The following UQCC1 variants were observed in gnomAD, a reference collection of about 807,000 sequenced individuals.
UQCC1 encodes the protein ubiquinol-cytochrome c reductase complex assembly factor 1.
UQCC1 carries 38 observed loss-of-function variants against 48.0 expected under a neutral mutation model. That is an observed-to-expected ratio of 0.79 (90% CI 0.61 to 1.04). The LOEUF (loss-of-function observed/expected upper bound fraction) is 1.04, where lower values mean the gene tolerates loss of function less well. Among genes scored for constraint, UQCC1 ranks in the 50% least tolerant of loss-of-function variants. The pLI is 0.00. For missense variants in UQCC1, 368 were observed against 381.8 expected (o/e 0.96, Z 0.30); for synonymous variants, 111 against 129.2 (o/e 0.86, Z 0.95).
chr20:35,354,815 G>A (rs2061527807), intron 6 of UQCC1, among the ~76,000 whole-genome samples: 3 of 152,082 alleles, frequency 2.0e-5, no homozygotes. Flanking sequence ...TAGATTCTTG[G>A]AAACTGTAAC....
chr20:35,364,605 AG>A (rs1407021633), intron 6 of UQCC1, among the ~76,000 whole-genome samples: 2 of 152,236 alleles, frequency 1.3e-5, no homozygotes, highest in African/African-American at 2.4e-5. Flanking sequence ...GGCGAGAGAA[AG>A]AGTGGAAGGG....
intron 7 of UQCC1, among the ~76,000 whole-genome samples, chr20:35,320,574 AG>A (rs2061112974): frequency 6.6e-6 from 1 of 152,218 alleles, no homozygotes; most frequent in Non-Finnish European, 1.5e-5. Context: ...CACAACTCAG[AG>A]ATTCCAGTTC....
intron 6 of UQCC1, among the ~76,000 whole-genome samples, chr20:35,359,747 T>TA (rs2061585715): frequency 6.6e-6 from 1 of 152,214 alleles, no homozygotes; most frequent in Non-Finnish European, 1.5e-5. Flanking sequence ...ATGTTTCCCT[T>TA]ACTCTGTCAC....
intron 7 of UQCC1, among the ~76,000 whole-genome samples, chr20:35,342,424 A>G (rs2061391107): frequency 6.6e-6 from 1 of 152,222 alleles, no homozygotes. Context: ...CACAAATGGA[A>G]AAATTAAGTA....
At chr20:35,325,041 T>C (rs1034320530) in intron 7 of UQCC1, among the ~76,000 whole-genome samples, 1 of 152,210 alleles carries the variant, frequency 6.6e-6, no homozygotes, top group Non-Finnish European at 1.5e-5. Context: ...ATAACATGGA[T>C]GGACCTTAAA....
intron 5 of UQCC1, among the ~76,000 whole-genome samples, chr20:35,367,102 A>C (rs1161641406): frequency 8.6e-5 from 13 of 150,476 alleles, no homozygotes; most frequent in South Asian, 4.2e-4. Context: ...TAAAAAAAAA[A>C]AAAAAAACAA....
intron 6 of UQCC1, 121 bp from the exon 7 acceptor site, chr20:35,347,393 T>G: frequency 1.7e-6 from 2 of 1,196,958 alleles, no homozygotes; most frequent in Non-Finnish European, 2.3e-6. Flanking sequence ...AAACTGGAAG[T>G]GAACTTTTTT....
At chr20:35,400,405 T>C (rs1354534772) in intron 1 of UQCC1, among the ~76,000 whole-genome samples, 1 of 152,158 alleles carries the variant, frequency 6.6e-6, no homozygotes, top group Non-Finnish European at 1.5e-5. Context: ...AATTATTCCT[T>C]TAACTTAAGA....
chr20:35,350,129 T>C (rs1452507252), intron 6 of UQCC1, among the ~76,000 whole-genome samples: 1 of 152,176 alleles, frequency 6.6e-6, no homozygotes, highest in African/African-American at 2.4e-5. Context: ...GTCTAAAGTT[T>C]TGTTTTTTTA....
chr20:35,345,696 A>T (rs904388411), intron 7 of UQCC1: 1 of 152,132 alleles, frequency 6.6e-6, no homozygotes, highest in Non-Finnish European at 1.5e-5. Context: ...GGGGAGTTAG[A>T]CTGGGGGGAA....
At chr20:35,405,123 G>A (rs1387910489) in intron 1 of UQCC1, among the ~76,000 whole-genome samples, 1 of 152,186 alleles carries the variant, frequency 6.6e-6, no homozygotes, top group East Asian at 1.9e-4. Flanking sequence ...GCCTGGCAGA[G>A]TGTTATAGGT....
At chr20:35,324,533 A>C (rs182714974) in intron 7 of UQCC1, among the ~76,000 whole-genome samples, 1 of 152,118 alleles carries the variant, frequency 6.6e-6, no homozygotes, top group Non-Finnish European at 1.5e-5. Context: ...TCACCGTGTT[A>C]GCCAGGATGG....
chr20:35,362,456 A>G (rs1451330518), intron 6 of UQCC1, among the ~76,000 whole-genome samples: 1 of 152,184 alleles, frequency 6.6e-6, no homozygotes, highest in East Asian at 1.9e-4. Flanking sequence ...TCCCAGGTTC[A>G]AGCGATTCTC....
At chr20:35,348,676 C>T (rs973429889) in intron 6 of UQCC1, among the ~76,000 whole-genome samples, 2 of 152,122 alleles carry the variant, frequency 1.3e-5, no homozygotes, top group African/African-American at 4.8e-5. Context: ...CTTTTTGAGA[C>T]AGGGTCTCAT....
Position 35,330,288 on chromosome 20 carries a change from C to T in UQCC1, c.574-15523G>A, listed in dbSNP as rs545496483. On this transcript the variant is annotated intron_variant, in intron 7 of 9. Transcript: ENST00000374385. ...AGTGAGTTTTAGTCTCTGCTACTAC[C>T]GCTACTATATGACACTGACCAAGCC... Among the ~76,000 whole-genome samples, 17 of 152,310 alleles carry T rather than the reference C, an allele frequency of 1.1e-4. No individual in the cohort carries two copies. The South Asian group carries it at 2.3e-3, about 20-fold the overall frequency.
intron 8 of UQCC1, among the ~76,000 whole-genome samples, chr20:35,308,144 CCAA>C (rs1296982594): frequency 1.3e-5 from 2 of 152,298 alleles, no homozygotes; most frequent in Admixed American, 6.5e-5. Context: ...AGGCCTGCTG[CCAA>C]CAAGGGCCAT....
chr20:35,370,420 G>A (rs1568687756), intron 5 of UQCC1, among the ~76,000 whole-genome samples: 1 of 152,020 alleles, frequency 6.6e-6, no homozygotes, highest in Admixed American at 6.6e-5. Flanking sequence ...GTAATTATTT[G>A]AAAGATATTT....
intron 1 of UQCC1, among the ~76,000 whole-genome samples, chr20:35,403,196 A>C (rs1178622304): frequency 1.3e-5 from 2 of 152,212 alleles, no homozygotes; most frequent in African/African-American, 4.8e-5. Flanking sequence ...ATTAAGGGTG[A>C]GGGGTCAGGT....
intron 3 of UQCC1, among the ~76,000 whole-genome samples, chr20:35,383,501 G>A (rs1447088518): frequency 6.6e-6 from 1 of 152,092 alleles, no homozygotes; most frequent in Non-Finnish European, 1.5e-5. Flanking sequence ...CCTAAGCCCA[G>A]GAGTTCAAGG....
Sources: gnomAD v4.1 joint callset for allele counts (sites outside exome capture counted in the v4.1 genomes callset) on GRCh38, gnomAD v4.1.1 for gene constraint, MANE v1.5 for transcripts, NCBI Gene and HGNC (gene_info 2026-07-23, HGNC 2026-07-21) for gene names.